Variants in PAX1 observed in about 807,000 individuals in gnomAD.
PAX1 encodes paired box 1.
Under a neutral mutation model 35.6 loss-of-function variants are expected in PAX1, and 18 were observed. The ratio of observed to expected loss-of-function variants is 0.50; its 90% CI spans 0.35 to 0.75. The LOEUF is 0.75. PAX1 is among the 30% of genes least tolerant of loss of function. PAX1 has a pLI of 0.01. For missense variants in PAX1, 760 were observed against 661.5 expected (o/e 1.15, Z -1.63); for synonymous variants, 397 against 305.2 (o/e 1.30, Z -3.14).
At chr20:21,713,175 T>C (rs1985250913) in intron 4 of PAX1, among the ~76,000 whole-genome samples, 1 of 152,152 alleles carries the variant, frequency 6.6e-6, no homozygotes. Context: ...AACCTCCACC[T>C]CCTCAGATGT....
Position 21,714,732 on chromosome 20 carries a change from T to A in PAX1, c.*170T>A, listed in dbSNP as rs1360377755. 6.2e-7 allele frequency: 1 copy of A among 1,604,724 alleles called. No individual in the cohort carries two copies. The highest frequency in any genetic ancestry group is 8.5e-7 in the Non-Finnish European group (1 of 1,179,896). On this transcript the variant is annotated 3_prime_UTR_variant, in exon 5 of 5. Coordinates refer to ENST00000613128, the MANE Select transcript of PAX1 (RefSeq NM_001257096.2). ...CCCAGCCAGCCCCCAGGCCCAGCCC[T>A]GCCTCTGGCCGGACCCACCACACTT...
chr20:21,716,267 T>G lies in PAX1; in HGVS notation c.*1705T>G, dbSNP rs1985368745. On this transcript the variant is annotated 3_prime_UTR_variant, in exon 5 of 5. Coordinates refer to ENST00000613128, the MANE Select transcript of PAX1 (RefSeq NM_001257096.2). ...CTACAAAGGGGCTTCCGGCTAATTGTTTTTTTTTCCTGCCTCTGTTTGACC... is the reference window on the plus strand; with the variant it reads ...CTACAAAGGGGCTTCCGGCTAATTGGTTTTTTTTCCTGCCTCTGTTTGACC... 2 of 109,814 alleles carry G rather than the reference T, an allele frequency of 1.8e-5. No homozygotes were observed. The allele number at this position is 109,814 out of a possible 1,614,324, so 6.8% of individuals were successfully genotyped here. A position where few individuals can be genotyped will look rare whatever the true frequency, so the allele number is the denominator to read the frequency against.
rs1985089910 is a variant in PAX1, at chr20:21,708,555, C to T, written c.917-3C>T. 6.2e-7 allele frequency: 1 copy of T among 1,613,440 alleles called. No homozygotes were observed. Among genetic ancestry groups the T allele is most frequent in the Admixed American group, 1.7e-5 (1 of 60,012 alleles). ...CTTTTAATCCGTCCTCTCTCTCCTG[C>T]AGGGGCCCTGGCTGGGAGCGAAGGC... On this transcript the variant is annotated splice_region_variant and splice_polypyrimidine_tract_variant and intron_variant, in intron 2 of 4. Coordinates refer to ENST00000613128, the MANE Select transcript of PAX1 (RefSeq NM_001257096.2).
At position 21,708,549 on chromosome 20, in the gene PAX1, C is replaced by T; in HGVS notation, c.917-9C>T. 6.2e-7 allele frequency: 1 copy of T among 1,613,450 alleles called. No homozygotes were observed. The highest frequency in any genetic ancestry group is 1.3e-5 in the African/African-American group (1 of 75,062). Reference sequence around the variant, plus strand: ...AGGCACCTTTTAATCCGTCCTCTCTCTCCTGCAGGGGCCCTGGCTGGGAGC... The same window carrying T: ...AGGCACCTTTTAATCCGTCCTCTCTTTCCTGCAGGGGCCCTGGCTGGGAGC... On this transcript the variant is annotated splice_polypyrimidine_tract_variant and intron_variant, in intron 2 of 4. Transcript: ENST00000613128.
Position 21,705,849 on chromosome 20 carries a change from G to C in PAX1, c.137G>C (p.Gly46Ala), listed in dbSNP as rs1398710154. ...CAGCGCGTCTCCAGCCCGCGGCTGGGCCGCCGCGGCTCTCGGCTCTCGGGC... is the reference window on the plus strand; with the variant it reads ...CAGCGCGTCTCCAGCCCGCGGCTGGCCCGCCGCGGCTCTCGGCTCTCGGGC... ...RAQRVSSPRL[G>A]RRGSRLSGAL... The change falls in exon 1 of 5, where the codon GGC becomes GCC. Residue 46 changes from glycine (G) to alanine (A), a missense_variant. This residue lies in a region of PAX1 where 222 missense variants were observed against 153.0 expected (regional missense o/e 1.45). Transcript: ENST00000613128. The C allele has an allele frequency of 8.7e-6, 12 of 1,372,070 alleles. No homozygotes were observed. Among genetic ancestry groups the C allele is most frequent in the Non-Finnish European group, 1.0e-5 (11 of 1,057,712 alleles). 85.0% of individuals were successfully genotyped at this position (1,372,070 alleles called of 1,614,324 possible).
rs1242000384 is a variant in PAX1 at position 21,715,322 on chromosome 20, A to C, written c.*760A>C. On this transcript the variant is annotated 3_prime_UTR_variant, in exon 5 of 5. Transcript: ENST00000613128. ...CACCAGCCCTAATGGAGGGGGGCTCAAACCTAGGAAGTGGACAGAAAAGCC... is the reference window on the plus strand; with the variant it reads ...CACCAGCCCTAATGGAGGGGGGCTCCAACCTAGGAAGTGGACAGAAAAGCC... 1 of 158,868 alleles carries C rather than the reference A, an allele frequency of 6.3e-6. No individual in the cohort carries two copies. Among genetic ancestry groups the C allele is most frequent in the African/African-American group, 2.4e-5 (1 of 41,478 alleles). 9.8% of individuals were successfully genotyped at this position (158,868 alleles called of 1,614,324 possible).
intron 4 of PAX1, among the ~76,000 whole-genome samples, chr20:21,713,502 C>T (rs1034752263): frequency 1.3e-5 from 2 of 151,698 alleles, no homozygotes; most frequent in African/African-American, 4.8e-5. Flanking sequence ...AAAAAAAAAT[C>T]CAGAGTTCCC....
chr20:21,708,496 G>A, intron 2 of PAX1, 62 bp from the exon 3 acceptor site: 1 of 1,601,516 alleles, frequency 6.2e-7, no homozygotes, highest in South Asian at 1.1e-5. Context: ...TGGGTGGTTG[G>A]CCACACGTGT....
chr20:21,707,696 A>G (rs1257797729), intron 2 of PAX1, among the ~76,000 whole-genome samples: 2 of 152,154 alleles, frequency 1.3e-5, no homozygotes, highest in African/African-American at 4.8e-5. Context: ...AACAACTTTG[A>G]TGCCTGGCTG....
rs1985125162 is a variant in PAX1 at position 21,709,379 on chromosome 20, C to T, written c.1217C>T (p.Ala406Val). ...GGTCCTCCTCTGGCGCCCCCCGGGG[C>T]CGGCGTAGCTGTGCATGGCGGGGAA... The part of the protein sequence containing the change: ...AQGPPLAPPG[A>V]GVAVHGGELA... Residue 406 changes from alanine (A) to valine (V), a missense_variant, in exon 4 of 5, where the codon GCC becomes GTC. This residue lies in a region of PAX1 where 490 missense variants were observed against 428.4 expected (regional missense o/e 1.14). Transcript: ENST00000613128. The T allele has an allele frequency of 6.4e-7, 1 of 1,565,014 alleles. No homozygotes were observed. Among genetic ancestry groups the T allele is most frequent in the Admixed American group, 1.9e-5 (1 of 53,838 alleles).
At position 21,716,506 on chromosome 20, in the gene PAX1, CTTTTTTT is replaced by C. The variant is rs72279045; in HGVS notation, c.*1957_*1963del. 39 of 120,014 alleles carry C rather than the reference CTTTTTTT, an allele frequency of 3.2e-4. No homozygotes were observed. The East Asian group carries it at 4.1e-3, about 13-fold the overall frequency. 7.4% of individuals were successfully genotyped at this position (120,014 alleles called of 1,614,324 possible). A position where few individuals can be genotyped will look rare whatever the true frequency, so the allele number is the denominator to read the frequency against. On this transcript the variant is annotated 3_prime_UTR_variant, in exon 5 of 5. Coordinates refer to ENST00000613128, the MANE Select transcript of PAX1 (RefSeq NM_001257096.2). ...TCTTCTCAGATTCAAAGTCTCTTGT[CTTTTTTT>C]TTTTTTTTTTTTAAAGTTTCACTTT... is the stretch of plus-strand genomic sequence containing the variant.
chr20:21,714,526 C>T lies in PAX1; in HGVS notation c.1338C>T (p.Ser446=), dbSNP rs1354085456. ...GCAAGGCCCCGGACGCCCTCAGTAG[C>T]TTACACGGACTGCCCATCCCGGCCT... is the stretch of plus-strand genomic sequence containing the variant. ...SGSKAPDALS[S]LHGLPIPAST... is the part of the protein sequence containing the mutation. The change falls in exon 5 of 5, where the codon AGC becomes AGT. Residue 446 remains serine (S), a synonymous_variant. Transcript: ENST00000613128. 4.4e-6 allele frequency: 7 copies of T among 1,596,892 alleles called. No homozygotes were observed. In the South Asian group the frequency reaches 4.5e-5, roughly 10 times the overall value.
At chr20:21,713,771 AT>A (rs1388653710) in intron 4 of PAX1, among the ~76,000 whole-genome samples, 1 of 152,198 alleles carries the variant, frequency 6.6e-6, no homozygotes, top group African/African-American at 2.4e-5. Context: ...CGATCTGGCA[AT>A]CCCACTGTCA....
In PAX1 at chr20:21,709,328, C is replaced by G. The variant is rs769736664; in HGVS notation, c.1166C>G (p.Pro389Arg). 1.1e-5 allele frequency: 17 copies of G among 1,595,430 alleles called. No homozygotes were observed. The highest frequency in any genetic ancestry group is 2.2e-5 in the South Asian group (2 of 90,770). Reference sequence around the variant, plus strand: ...GCCCCGGGCGGCGGCTACCTCGCCCCGGGCCCGCCGTGGCCGCCTGCGCAA... The same window carrying G: ...GCCCCGGGCGGCGGCTACCTCGCCCGGGGCCCGCCGTGGCCGCCTGCGCAA... The part of the protein sequence containing the change: ...YSAPGGGYLA[P>R]GPPWPPAQGP... The change falls in exon 4 of 5, where the codon CCG (proline) becomes CGG (arginine). Residue 389 changes from proline (P) to arginine (R), a missense_variant. Physicochemically the swap from Pro to Arg is moderately radical, Grantham distance 103. Transcript: ENST00000613128.
chr20:21,709,450 G>T lies in PAX1; in HGVS notation c.1282+6G>T, dbSNP rs1256964169. On this transcript the variant is annotated splice_donor_region_variant and intron_variant, in intron 4 of 4. Transcript: ENST00000613128. Reference sequence around the variant, plus strand: ...CAAGCATCCCAGCCGAGAAGGTGAGGAGCGCAGGGAGTGGGGCGGGTGGAT... The same window carrying T: ...CAAGCATCCCAGCCGAGAAGGTGAGTAGCGCAGGGAGTGGGGCGGGTGGAT... 1.3e-6 allele frequency: 2 copies of T among 1,515,078 alleles called. No homozygotes were observed. Among genetic ancestry groups the T allele is most frequent in the Non-Finnish European group, 1.8e-6 (2 of 1,135,698 alleles). The allele number at this position is 1,515,078 out of a possible 1,614,324, so 93.9% of individuals were successfully genotyped here. A position where few individuals can be genotyped will look rare whatever the true frequency, so the allele number is the denominator to read the frequency against.
rs1276763937 is a variant in PAX1, at chr20:21,715,552, G to A, written c.*990G>A. 6.6e-6 allele frequency: 1 copy of A among 152,110 alleles called. No individual in the cohort carries two copies. Among genetic ancestry groups the A allele is most frequent in the African/African-American group, 2.4e-5 (1 of 41,344 alleles). 9.4% of individuals were successfully genotyped at this position (152,110 alleles called of 1,614,324 possible). A position where few individuals can be genotyped will look rare whatever the true frequency, so the allele number is the denominator to read the frequency against. ...AGGAGTAGGGAGCACAGGGGTTGTTGGTGTTTTCAGTGCTTAGAAAACTGG... is the reference window on the plus strand; with the variant it reads ...AGGAGTAGGGAGCACAGGGGTTGTTAGTGTTTTCAGTGCTTAGAAAACTGG... On this transcript the variant is annotated 3_prime_UTR_variant, in exon 5 of 5. Coordinates refer to ENST00000613128, the MANE Select transcript of PAX1 (RefSeq NM_001257096.2).
rs1355737407 is a variant in PAX1, at chr20:21,706,496, G to T, written c.345G>T (p.Leu115=). The change falls in exon 2 of 5, where the codon CTG becomes CTT. Residue 115 remains leucine (L), a synonymous_variant. Transcript: ENST00000613128. The surrounding 1 kb of genome is among the most constrained non-coding windows in gnomAD (Gnocchi z 5.3). ...GTGTGTTCGTCAACGGCCGCCCCCTGCCCAACGCCATCCGCTTGCGCATTG... is the reference window on the plus strand; with the variant it reads ...GTGTGTTCGTCAACGGCCGCCCCCTTCCCAACGCCATCCGCTTGCGCATTG... ...LGGVFVNGRP[L]PNAIRLRIVE... is the part of the protein sequence containing the mutation. 1 of 1,612,134 alleles carries T rather than the reference G, an allele frequency of 6.2e-7. No homozygotes were observed. The highest frequency in any genetic ancestry group is 8.5e-7 in the Non-Finnish European group (1 of 1,179,692).
At chr20:21,707,119 GGGCA>G in intron 2 of PAX1, 52 bp downstream of exon 2, 1 of 1,608,038 alleles carries the variant, frequency 6.2e-7, no homozygotes, top group Non-Finnish European at 8.5e-7. Context: ...AACCTGGGGC[GGGCA>G]GGCTTGCAGG....
Position 21,705,680 on chromosome 20 carries a change from A to G in PAX1, c.-33A>G. 8.1e-7 allele frequency: 1 copy of G among 1,232,140 alleles called. No individual in the cohort carries two copies. Among genetic ancestry groups the G allele is most frequent in the Non-Finnish European group, 1.0e-6 (1 of 978,428 alleles). 76.3% of individuals were successfully genotyped at this position (1,232,140 alleles called of 1,614,324 possible). ...CGTCAAATTGATTCCCGCACGCTGCAGCCTCCCGGTCAGACGAATTTCTCC... is the reference window on the plus strand; with the variant it reads ...CGTCAAATTGATTCCCGCACGCTGCGGCCTCCCGGTCAGACGAATTTCTCC... On this transcript the variant is annotated 5_prime_UTR_variant, in exon 1 of 5. Transcript: ENST00000613128.
Sources: gnomAD v4.1 joint callset for allele counts (sites outside exome capture counted in the v4.1 genomes callset) on GRCh38, gnomAD v4.1.1 for gene constraint, gnomAD v4.1.1 regional missense constraint, Gnocchi (gnomAD v3.1) non-coding constraint, MANE v1.5 for transcripts, NCBI Gene and HGNC (gene_info 2026-07-23, HGNC 2026-07-21) for gene names.